Variants in FRMPD4 observed in about 807,000 individuals in gnomAD.
The protein encoded by FRMPD4 is FERM and PDZ domain containing 4.
A neutral mutation model predicts 94.1 loss-of-function variants in FRMPD4; 22 were observed. The observed-to-expected ratio is 0.23, with a 90% CI of 0.17 to 0.33. The LOEUF (loss-of-function observed/expected upper bound fraction) is 0.33, where lower values mean the gene tolerates loss of function less well. Among genes scored for constraint, FRMPD4 ranks in the 10% least tolerant of loss-of-function variants. The pLI, the probability that FRMPD4 is intolerant of heterozygous loss-of-function variation, is 1.00. For missense variants in FRMPD4, 1,111 were observed against 1,339.9 expected (o/e 0.83, Z 2.67); for synonymous variants, 631 against 548.6 (o/e 1.15, Z -2.10).
At chrX:12,424,575 T>C in intron 1 of FRMPD4, among the ~76,000 whole-genome samples, 1 of 112,175 alleles carries the variant, frequency 8.9e-6, no homozygotes, top group Middle Eastern at 4.6e-3. Flanking sequence ...TCTGATCAGA[T>C]AGATCGAGGG....
chrX:12,628,465 T>C (rs5979693), intron 4 of FRMPD4, among the ~76,000 whole-genome samples: 2,560 of 112,010 alleles, frequency 0.023, 71 homozygotes, highest in African/African-American at 0.077. Flanking sequence ...CTTAGCCACT[T>C]CTCTGTCATC....
At position 12,295,629 on chromosome X, in the gene FRMPD4, C is replaced by A. The variant is rs2054760039; in HGVS notation, c.41+156617C>A. Among the ~76,000 whole-genome samples the A allele has an allele frequency of 3.6e-5, 4 of 112,070 alleles. No individual in the cohort carries two copies. The South Asian group carries it at 1.5e-3, about 42-fold the overall frequency. On this transcript the variant is annotated intron_variant, in intron 1 of 16. Coordinates refer to ENST00000675598, the MANE Select transcript of FRMPD4 (RefSeq NM_001368397.1). ...CATCCCCACATTGGATGACTAACTC[C>A]TCTTCTAAAAGACACCCACTTGCTC... is the stretch of plus-strand genomic sequence containing the variant.
intron 2 of FRMPD4, among the ~76,000 whole-genome samples, chrX:12,513,143 A>C (rs906153444): frequency 8.9e-6 from 1 of 112,034 alleles, no homozygotes; most frequent in African/African-American, 3.2e-5. Context: ...TATATTGCAA[A>C]AATTTTCTCC....
Position 11,917,576 on chromosome X carries a change from C to T in FRMPD4, c.95+39558C>T, listed in dbSNP as rs773220320. On this transcript the variant is annotated intron_variant, in intron 3 of 18. Transcript: ENST00000640291. ...CATACAACCATAAAAAGAGGGAAAT[C>T]GTGTTCTTTGCAGCAACATGGATAC... Among the ~76,000 whole-genome samples, 3 of 112,137 alleles carry T rather than the reference C, an allele frequency of 2.7e-5. No homozygotes were observed. In the South Asian group the frequency reaches 1.1e-3, roughly 42 times the overall value.
chrX:12,346,964 A>G (rs2055722296), intron 1 of FRMPD4, among the ~76,000 whole-genome samples: 1 of 111,689 alleles, frequency 9.0e-6, no homozygotes, highest in Non-Finnish European at 1.9e-5. Flanking sequence ...TTGCCACAAA[A>G]GTGGTTGTAT....
At chrX:12,119,610 A>T (rs760971477) in intron 3 of FRMPD4, among the ~76,000 whole-genome samples, 12 of 112,280 alleles carry the variant, frequency 1.1e-4, no homozygotes, top group Non-Finnish European at 2.3e-4. Flanking sequence ...TTTCAATTTA[A>T]GGAAGATGGT....
intron 2 of FRMPD4, among the ~76,000 whole-genome samples, chrX:12,597,949 T>C (rs1334977277): frequency 7.1e-5 from 8 of 112,398 alleles, no homozygotes; most frequent in Non-Finnish European, 9.4e-5. Context: ...CTCATTGTAT[T>C]TCAAGGTCCG....
At chrX:12,449,079 T>C (rs188186665) in intron 1 of FRMPD4, among the ~76,000 whole-genome samples, 201 of 112,269 alleles carry the variant, frequency 1.8e-3, no homozygotes, top group African/African-American at 6.0e-3. Flanking sequence ...GAGTGTCCCA[T>C]GCTATTTGAA....
At chrX:12,607,353 AGCCTG>A (rs1044551936) in intron 2 of FRMPD4, among the ~76,000 whole-genome samples, 4 of 111,354 alleles carry the variant, frequency 3.6e-5, no homozygotes, top group African/African-American at 1.3e-4. Context: ...CACCAATCTC[AGCCTG>A]GACTTTTCTA....
chrX:12,295,831 G>C (rs1038026272), intron 1 of FRMPD4, among the ~76,000 whole-genome samples: 2 of 112,157 alleles, frequency 1.8e-5, no homozygotes, highest in Non-Finnish European at 3.8e-5. Flanking sequence ...CCTTGCTTTA[G>C]TATCTGGATG....
At chrX:12,266,188 A>C (rs1453298477) in intron 1 of FRMPD4, among the ~76,000 whole-genome samples, 2 of 107,885 alleles carry the variant, frequency 1.9e-5, no homozygotes, top group Non-Finnish European at 3.8e-5. Flanking sequence ...AACAGGCCAT[A>C]GTAGGAGAAA....
intron 3 of FRMPD4, among the ~76,000 whole-genome samples, chrX:11,884,489 G>A (rs1441283529): frequency 9.0e-6 from 1 of 111,072 alleles, no homozygotes; most frequent in Non-Finnish European, 1.9e-5. Context: ...AAATTCTTAA[G>A]TGTTTTTCTA....
At chrX:12,143,855 G>C (rs1294497322) in intron 1 of FRMPD4, among the ~76,000 whole-genome samples, 1 of 112,351 alleles carries the variant, frequency 8.9e-6, no homozygotes, top group African/African-American at 3.2e-5. Flanking sequence ...CTGACCATTA[G>C]AAGTGGACAT....
At chrX:12,085,608 G>A (rs188442588) in intron 3 of FRMPD4, among the ~76,000 whole-genome samples, 13 of 111,965 alleles carry the variant, frequency 1.2e-4, no homozygotes, top group Admixed American at 2.8e-4. Flanking sequence ...ATGATTTCTC[G>A]TGCCTGTAAT....
At chrX:11,865,999 A>G (rs893541019) in intron 2 of FRMPD4, among the ~76,000 whole-genome samples, 3 of 112,139 alleles carry the variant, frequency 2.7e-5, no homozygotes, top group Non-Finnish European at 5.6e-5. Context: ...TTTATTAGCA[A>G]TTCATGAATT....
intron 1 of FRMPD4, among the ~76,000 whole-genome samples, chrX:12,332,723 T>A (rs753658439): frequency 8.9e-6 from 1 of 111,743 alleles, no homozygotes; most frequent in Non-Finnish European, 1.9e-5. Flanking sequence ...TTTCTGGCAA[T>A]TTTGAAAAAT....
At chrX:12,058,984 A>C (rs1479788371) in intron 3 of FRMPD4, among the ~76,000 whole-genome samples, 2 of 96,742 alleles carry the variant, frequency 2.1e-5, no homozygotes, top group Admixed American at 2.2e-4. Flanking sequence ...GCAGTCTCTA[A>C]ACCTATTTTA....
intron 1 of FRMPD4, among the ~76,000 whole-genome samples, chrX:12,383,738 A>G (rs2056359332): frequency 8.9e-6 from 1 of 111,824 alleles, no homozygotes; most frequent in African/African-American, 3.3e-5. Flanking sequence ...AAACAACAGT[A>G]TATTTAGAAA....
chrX:12,016,047 G>A (rs930562989), intron 3 of FRMPD4, among the ~76,000 whole-genome samples: 9 of 112,378 alleles, frequency 8.0e-5, no homozygotes, highest in Non-Finnish European at 1.5e-4. Flanking sequence ...AAGAAGGAAC[G>A]ATAGGAAAAC....
Sources: gnomAD v4.1 joint callset for allele counts (sites outside exome capture counted in the v4.1 genomes callset) on GRCh38, gnomAD v4.1.1 for gene constraint, MANE v1.5 for transcripts, NCBI Gene and HGNC (gene_info 2026-07-23, HGNC 2026-07-21) for gene names.